SYNE2: variants seen among roughly 807,000 people sequenced by gnomAD.
The protein encoded by SYNE2 is nesprin-2.
SYNE2 carries 431 observed loss-of-function variants against 856.3 expected under a neutral mutation model. The ratio of observed to expected loss-of-function variants is 0.50; its 90% CI spans 0.47 to 0.55. The LOEUF (loss-of-function observed/expected upper bound fraction) is 0.55, where lower values mean the gene tolerates loss of function less well. Ranked by LOEUF, SYNE2 falls within the 20% of genes least tolerant of loss-of-function variation. SYNE2 has a pLI of 0.00. For synonymous variants in SYNE2, 2,923 were observed against 2,872.3 expected, an observed-to-expected ratio of 1.02 and a Z score of -0.56; for missense variants, 8,129 against 8,023.2, an observed-to-expected ratio of 1.01 and a Z score of -0.50.
At chr14:64,209,857 C>T (rs1435105881) in intron 102 of SYNE2, 85 bp from the exon 103 acceptor site, 11 of 1,577,122 alleles carry the variant, frequency 7.0e-6, no homozygotes, top group Non-Finnish European at 8.7e-6. Flanking sequence ...GAACCCCTGG[C>T]AGCAGGTCGC....
chr14:63,850,995 G>A (rs1302422394), upstream of SYNE2, among the ~76,000 whole-genome samples: 1 of 152,070 alleles, frequency 6.6e-6, no homozygotes, highest in African/African-American at 2.4e-5. Flanking sequence ...ACAAATCCTA[G>A]AGCCCAACTT....
Position 64,216,278 on chromosome 14 carries a change from A to G in SYNE2, c.19433A>G (p.His6478Arg), listed in dbSNP as rs2098666083. The change falls in exon 108 of 116, where the codon CAT becomes CGT. Residue 6478 changes from histidine (H) to arginine (R), a missense_variant. This residue lies in a region of SYNE2 where 5,410 missense variants were observed against 5,284.8 expected (regional missense o/e 1.02). Coordinates refer to ENST00000555002, the MANE Select transcript of SYNE2 (RefSeq NM_182914.3). ...TCCATTTCGGATGGCCACTCGTGGC[A>G]TGTTCCCGACAGCCCTTCCTGTCCC... is the stretch of plus-strand genomic sequence containing the variant. ...GKSISDGHSW[H>R]VPDSPSCPEH... is the part of the protein sequence containing the mutation. The G allele has an allele frequency of 1.2e-6, 2 of 1,614,194 alleles. No individual in the cohort carries two copies. Among genetic ancestry groups the G allele is most frequent in the Non-Finnish European group, 1.7e-6 (2 of 1,180,044 alleles).
chr14:63,954,587 TA>T, intron 7 of SYNE2, 131 bp from the exon 8 acceptor site: 2 of 738,098 alleles, frequency 2.7e-6, no homozygotes, highest in Non-Finnish European at 4.5e-6. Flanking sequence ...GGTCACAAGA[TA>T]AAAAATTTTA....
chr14:64,208,335 G>A, intron 100 of SYNE2: 1 of 368,958 alleles, frequency 2.7e-6, no homozygotes, highest in Non-Finnish European at 5.2e-6. Flanking sequence ...GAGAGTTCCT[G>A]CTGAAGAGAC....
chr14:64,209,900 C>T (rs781112049), intron 102 of SYNE2, 42 bp from the exon 103 acceptor site: 4 of 1,613,204 alleles, frequency 2.5e-6, no homozygotes, highest in East Asian at 4.5e-5. Flanking sequence ...GGCGTCCTGG[C>T]ACTCTGCATG....
intron 6 of SYNE2, 101 bp downstream of exon 6, chr14:63,942,244 T>C: frequency 1.3e-6 from 1 of 767,646 alleles, no homozygotes; most frequent in Non-Finnish European, 2.3e-6. Context: ...CCTGAGCTTC[T>C]CCTATAAATA....
At chr14:63,895,983 A>G (rs2095246725) in intron 1 of SYNE2, among the ~76,000 whole-genome samples, 1 of 152,162 alleles carries the variant, frequency 6.6e-6, no homozygotes, top group Non-Finnish European at 1.5e-5. Context: ...ATAAAATTCT[A>G]TAGAAGAAAA....
chr14:63,941,992 A>G (rs775463339), intron 5 of SYNE2, 30 bp downstream of exon 5: 3 of 1,604,066 alleles, frequency 1.9e-6, no homozygotes, highest in East Asian at 4.5e-5. Context: ...AAAAATTCAC[A>G]GGAGAGATTA....
intron 1 of SYNE2, among the ~76,000 whole-genome samples, chr14:63,874,199 C>T (rs1324046929): frequency 2.6e-5 from 4 of 152,218 alleles, no homozygotes; most frequent in Non-Finnish European, 5.9e-5. Context: ...GAGTGTTTAA[C>T]GTGTTGTTCA....
intron 45 of SYNE2, among the ~76,000 whole-genome samples, chr14:64,044,448 C>A (rs2097171319): frequency 6.6e-6 from 1 of 152,156 alleles, no homozygotes. Flanking sequence ...ACACTTTTGA[C>A]TGTGGACTTT....
At chr14:63,892,627 T>C (rs2095159136) in intron 1 of SYNE2, among the ~76,000 whole-genome samples, 1 of 152,152 alleles carries the variant, frequency 6.6e-6, no homozygotes, top group East Asian at 1.9e-4. Context: ...AACTTCTTTT[T>C]TGTATTCTGT....
At chr14:63,996,426 A>G (rs1288681104) in intron 23 of SYNE2, among the ~76,000 whole-genome samples, 1 of 152,166 alleles carries the variant, frequency 6.6e-6, no homozygotes, top group East Asian at 1.9e-4. Context: ...AATTCCAGGC[A>G]TCTTAGAAGG....
chr14:63,764,749 C>T (rs1334623419), intron 1 of SYNE2, among the ~76,000 whole-genome samples: 1 of 151,914 alleles, frequency 6.6e-6, no homozygotes, highest in East Asian at 1.9e-4. Flanking sequence ...CACCCCACAA[C>T]AGGCCCCAGT....
At chr14:63,965,746 C>T (rs1187345820) in intron 10 of SYNE2, among the ~76,000 whole-genome samples, 2 of 152,232 alleles carry the variant, frequency 1.3e-5, no homozygotes, top group Admixed American at 1.3e-4. Flanking sequence ...GCTGGCCATA[C>T]TTTCCTTTTT....
At chr14:64,199,843 C>T (rs1355648435) in intron 99 of SYNE2, among the ~76,000 whole-genome samples, 1 of 151,516 alleles carries the variant, frequency 6.6e-6, no homozygotes, top group African/African-American at 2.4e-5. Flanking sequence ...TTAAAGCATA[C>T]ACATTGTAGA....
chr14:63,816,494 G>A (rs1348496065), intron 1 of SYNE2, among the ~76,000 whole-genome samples: 1 of 152,076 alleles, frequency 6.6e-6, no homozygotes, highest in Non-Finnish European at 1.5e-5. Flanking sequence ...CTGAATAACA[G>A]CAGGAGCAGA....
chr14:64,048,295 T>C, intron 46 of SYNE2, 140 bp downstream of exon 46: 1 of 703,414 alleles, frequency 1.4e-6, no homozygotes, highest in South Asian at 1.9e-5. Flanking sequence ...TTGGTAACTG[T>C]ATAATTATGT....
At chr14:63,978,475 T>C (rs1206872223) in intron 13 of SYNE2, among the ~76,000 whole-genome samples, 1 of 152,192 alleles carries the variant, frequency 6.6e-6, no homozygotes, top group Non-Finnish European at 1.5e-5. Flanking sequence ...ATTAGAATAA[T>C]AAGAGGGTGT....
intron 97 of SYNE2, among the ~76,000 whole-genome samples, chr14:64,187,440 G>A (rs1322917672): frequency 2.0e-5 from 3 of 152,170 alleles, no homozygotes; most frequent in Non-Finnish European, 4.4e-5. Context: ...AAGGTAGACA[G>A]GAAGACTGGG....
Sources: allele counts gnomAD v4.1 joint callset (sites outside exome capture counted in the v4.1 genomes callset), GRCh38; gene constraint gnomAD v4.1.1; regional missense constraint gnomAD v4.1.1; transcripts MANE v1.5; gene names NCBI Gene and HGNC (gene_info 2026-07-23, HGNC 2026-07-21).